The following RHAG variants were observed in gnomAD, a reference collection of about 807,000 sequenced individuals.
RHAG encodes the protein ammonium transporter Rh type A.
RHAG carries 25 observed loss-of-function variants against 42.4 expected under a neutral mutation model. The ratio of observed to expected loss-of-function variants is 0.59; its 90% CI spans 0.43 to 0.82. The LOEUF is 0.82. Among genes scored for constraint, RHAG ranks in the 40% least tolerant of loss-of-function variants. The pLI is 0.00. For missense variants in RHAG, 483 were observed against 504.6 expected (o/e 0.96, Z 0.41); for synonymous variants, 182 against 177.7 (o/e 1.02, Z -0.19).
At position 49,611,135 on chromosome 6, in the gene RHAG, G is replaced by A. The variant is rs144002175; in HGVS notation, c.956C>T (p.Thr319Ile). Residue 319 changes from threonine (T) to isoleucine (I), a missense_variant, in exon 7 of 10, where the codon ACT becomes ATT. By Grantham distance (89) the Thr-to-Ile change is moderately conservative. Transcript: ENST00000371175. ...TGTATCATGGATCCTCAGTTTAGTA[G>A]TAAAAAGTGGCTAAAATTATAAAAG... Reference protein sequence around the residue: ...LGYKFLTPLFTTKLRIHDTCG... With the variant: ...LGYKFLTPLFITKLRIHDTCG... 3.7e-6 allele frequency: 6 copies of A among 1,612,830 alleles called. No individual in the cohort carries two copies. In the African/African-American group the frequency reaches 8.0e-5, roughly 22 times the overall value.
chr6:49,630,200 T>G (rs1321251243), intron 1 of RHAG, among the ~76,000 whole-genome samples: 1 of 152,268 alleles, frequency 6.6e-6, no homozygotes, highest in Admixed American at 6.5e-5. Flanking sequence ...ACCCATGTTG[T>G]GCATATCCCT....
At position 49,607,230 on chromosome 6, in the gene RHAG, C is replaced by A. The variant is rs1361920075; in HGVS notation, c.1068-10G>T. The A allele has an allele frequency of 6.2e-7, 1 of 1,610,922 alleles. No individual in the cohort carries two copies. Among genetic ancestry groups the A allele is most frequent in the Non-Finnish European group, 8.5e-7 (1 of 1,177,982 alleles). On this transcript the variant is annotated splice_polypyrimidine_tract_variant and intron_variant, in intron 7 of 9. Transcript: ENST00000371175. ...CTGCATGGCCATAGACCTAAGGAAG[C>A]AAACAAAAAAGAATCAGTGTCTTTC...
At chr6:49,627,850 C>T (rs1198574717) in intron 1 of RHAG, among the ~76,000 whole-genome samples, 1 of 152,022 alleles carries the variant, frequency 6.6e-6, no homozygotes, top group Non-Finnish European at 1.5e-5. Context: ...AAAGACTTGC[C>T]CTCATGATTC....
intron 7 of RHAG, among the ~76,000 whole-genome samples, chr6:49,607,902 A>G (rs1040142677): frequency 2.6e-5 from 4 of 152,152 alleles, no homozygotes; most frequent in African/African-American, 9.7e-5. Context: ...ACAATTGGAA[A>G]ATAAGAGTTT....
At chr6:49,620,543 G>T (rs919679777) in intron 1 of RHAG, among the ~76,000 whole-genome samples, 16 of 143,478 alleles carry the variant, frequency 1.1e-4, no homozygotes, top group South Asian at 2.1e-4. Context: ...CTCTTTTTTT[G>T]GGGGGGGAGA....
chr6:49,622,781 C>A lies in RHAG; in HGVS notation c.158-3419G>T, dbSNP rs1321412698. On this transcript the variant is annotated intron_variant, in intron 1 of 9. Transcript: ENST00000371175. ...AATTTCATAATTTCTGTTAGTGGAA[C>A]AATTATTCTGCAGATTTCACCCCCC... Among the ~76,000 whole-genome samples the A allele has an allele frequency of 1.2e-4, 18 of 151,164 alleles. 1 individual carries two copies. The highest frequency in any genetic ancestry group is 9.2e-4 in the Admixed American group (14 of 15,180).
intron 1 of RHAG, among the ~76,000 whole-genome samples, chr6:49,620,542 TG>T (rs200038109): frequency 0.026 from 3,960 of 151,368 alleles, 184 homozygotes; most frequent in African/African-American, 0.091. Flanking sequence ...TCTCTTTTTT[TG>T]GGGGGGGAGA....
intron 5 of RHAG, among the ~76,000 whole-genome samples, chr6:49,613,086 T>TC (rs1221993266): frequency 2.0e-5 from 3 of 151,484 alleles, no homozygotes; most frequent in African/African-American, 7.3e-5. Context: ...TTTTTTTTTT[T>TC]CGAGATGGAG....
chr6:49,618,429 C>T (rs912579722), intron 2 of RHAG, among the ~76,000 whole-genome samples: 6 of 152,078 alleles, frequency 3.9e-5, no homozygotes, highest in African/African-American at 1.4e-4. Context: ...TAGGGTTTTC[C>T]TTTATATTCT....
intron 1 of RHAG, among the ~76,000 whole-genome samples, chr6:49,623,407 CAGGGAG>C (rs1281167371): frequency 6.6e-6 from 1 of 152,074 alleles, no homozygotes; most frequent in Non-Finnish European, 1.5e-5. Flanking sequence ...GGGTGGGGAC[CAGGGAG>C]AGGGCCACAA....
At chr6:49,626,496 C>T (rs1486310567) in intron 1 of RHAG, among the ~76,000 whole-genome samples, 1 of 152,230 alleles carries the variant, frequency 6.6e-6, no homozygotes, top group African/African-American at 2.4e-5. Context: ...TTGGGCAGCT[C>T]TGCCTCTGTG....
intron 1 of RHAG, among the ~76,000 whole-genome samples, chr6:49,619,805 A>G (rs1762723291): frequency 6.6e-6 from 1 of 152,162 alleles, no homozygotes; most frequent in African/African-American, 2.4e-5. Flanking sequence ...GCATTTATTT[A>G]GCATTTGTCA....
At chr6:49,632,212 G>GA (rs1459596662) in intron 1 of RHAG, 3 of 152,166 alleles carry the variant, frequency 2.0e-5, no homozygotes, top group East Asian at 1.9e-4. Context: ...TGGTATCTCA[G>GA]AAAAAAAGCA....
intron 6 of RHAG, among the ~76,000 whole-genome samples, chr6:49,611,619 T>G (rs997222044): frequency 1.3e-5 from 2 of 152,194 alleles, no homozygotes; most frequent in African/African-American, 4.8e-5. Flanking sequence ...CCACTTAAAG[T>G]TAAAGGATTT....
intron 7 of RHAG, among the ~76,000 whole-genome samples, chr6:49,608,970 C>T (rs1243391615): frequency 6.6e-6 from 1 of 152,048 alleles, no homozygotes; most frequent in African/African-American, 2.4e-5. Flanking sequence ...AACAAGTGTT[C>T]TGTGATCAAA....
At chr6:49,611,903 G>T (rs1422510074) in intron 6 of RHAG, among the ~76,000 whole-genome samples, 1 of 151,046 alleles carries the variant, frequency 6.6e-6, no homozygotes, top group African/African-American at 2.4e-5. Flanking sequence ...CACCATGCCC[G>T]GCTAATTTTT....
chr6:49,616,628 A>C (rs575679383), intron 3 of RHAG, among the ~76,000 whole-genome samples: 25 of 152,300 alleles, frequency 1.6e-4, no homozygotes, highest in African/African-American at 5.5e-4. Context: ...GGGAATACTC[A>C]AAGGGTCAAA....
In RHAG at chr6:49,615,701, A is replaced by T. The variant is rs1483010643; in HGVS notation, c.563T>A (p.Ile188Asn). The part of the protein sequence containing the change: ...GAYFGLAVAG[I>N]LYRSGLRKGH... ...CTTTCTCAGTCCAGATCGATACAAG[A>T]TGCCTGCTACAGCCAAGCCAAAGTA... The change falls in exon 4 of 10, where the codon ATC (isoleucine) becomes AAC (asparagine). Residue 188 changes from isoleucine to asparagine, a missense_variant. Ile to Asn is a moderately radical substitution (Grantham distance 149, BLOSUM62 -3). Transcript: ENST00000371175. 6.2e-7 allele frequency: 1 copy of T among 1,614,176 alleles called. No homozygotes were observed. Among genetic ancestry groups the T allele is most frequent in the Non-Finnish European group, 8.5e-7 (1 of 1,180,024 alleles).
chr6:49,612,260 T>C (rs1337251704), intron 6 of RHAG, 137 bp downstream of exon 6: 2 of 911,464 alleles, frequency 2.2e-6, no homozygotes, highest in Admixed American at 1.9e-5. Context: ...GGGAGTGGTA[T>C]TTCCAAAAAG....
Sources: allele counts gnomAD v4.1 joint callset (sites outside exome capture counted in the v4.1 genomes callset), GRCh38; gene constraint gnomAD v4.1.1; transcripts MANE v1.5; gene names NCBI Gene and HGNC (gene_info 2026-07-23, HGNC 2026-07-21).